ALDH4A1: variants seen among roughly 807,000 people sequenced by gnomAD.
ALDH4A1 encodes the protein aldehyde dehydrogenase 4 family member A1, also known as delta-1-pyrroline-5-carboxylate dehydrogenase, mitochondrial.
In ALDH4A1, 46 loss-of-function variants were observed where a neutral mutation model predicts 70.5. The ratio of observed to expected loss-of-function variants is 0.65; its 90% CI spans 0.51 to 0.83. The LOEUF (loss-of-function observed/expected upper bound fraction) is 0.83, where lower values mean the gene tolerates loss of function less well. Among genes scored for constraint, ALDH4A1 ranks in the 40% least tolerant of loss-of-function variants. ALDH4A1 has a pLI of 0.00. For missense variants in ALDH4A1, 749 were observed against 766.5 expected, an observed-to-expected ratio of 0.98 and a Z score of 0.27; for synonymous variants, 323 against 324.3, an observed-to-expected ratio of 1.00 and a Z score of 0.04.
intron 12 of ALDH4A1, among the ~76,000 whole-genome samples, 192 bp downstream of exon 12, chr1:18,876,123 C>G (rs1476401655): frequency 6.6e-6 from 1 of 152,186 alleles, no homozygotes; most frequent in Non-Finnish European, 1.5e-5. Flanking sequence ...AGGACACAGC[C>G]CCGGATTTGG....
At chr1:18,882,167 G>A (rs1207152290) in intron 7 of ALDH4A1, among the ~76,000 whole-genome samples, 1 of 152,234 alleles carries the variant, frequency 6.6e-6, no homozygotes, top group Non-Finnish European at 1.5e-5. Context: ...CACCTAGGCA[G>A]GTCTGTTCTT....
At chr1:18,877,796 C>T (rs1934783153) in intron 9 of ALDH4A1, among the ~76,000 whole-genome samples, 184 bp from the exon 10 acceptor site, 1 of 152,222 alleles carries the variant, frequency 6.6e-6, no homozygotes, top group Non-Finnish European at 1.5e-5. Flanking sequence ...CAGGCCCATT[C>T]TCCCACTCCA....
chr1:18,877,313 A>AC (rs1467729265), intron 10 of ALDH4A1, 58 bp from the exon 11 acceptor site: 10 of 1,565,976 alleles, frequency 6.4e-6, no homozygotes, highest in Admixed American at 3.7e-5. Context: ...ACCAAGGGAG[A>AC]CCCCTCCCCG....
At chr1:18,893,942 T>A (rs761618306) in intron 1 of ALDH4A1, among the ~76,000 whole-genome samples, 52 of 152,216 alleles carry the variant, frequency 3.4e-4, no homozygotes, top group Admixed American at 2.7e-3. Context: ...TGCTCCCCGG[T>A]GGCCATCCTC....
intron 11 of ALDH4A1, 116 bp from the exon 12 acceptor site, chr1:18,876,583 G>T: frequency 7.9e-7 from 1 of 1,264,348 alleles, no homozygotes; most frequent in South Asian, 1.4e-5. Flanking sequence ...TCCTGAAACA[G>T]GGGCAGGGGT....
At chr1:18,887,316 T>A (rs558895841) in intron 3 of ALDH4A1, among the ~76,000 whole-genome samples, 2 of 152,248 alleles carry the variant, frequency 1.3e-5, no homozygotes, top group African/African-American at 4.8e-5. Flanking sequence ...AACTTCCCTG[T>A]TGGCCGGGCG....
At chr1:18,881,269 T>A (rs1191395031) in intron 8 of ALDH4A1, among the ~76,000 whole-genome samples, 2 of 152,040 alleles carry the variant, frequency 1.3e-5, no homozygotes, top group South Asian at 2.1e-4. Context: ...TCCCAACATA[T>A]ATATTCTTCT....
Position 18,877,606 on chromosome 1 carries a change from C to A in ALDH4A1, c.947G>T (p.Gly316Val). The A allele has an allele frequency of 6.2e-7, 1 of 1,609,274 alleles. No homozygotes were observed. The highest frequency in any genetic ancestry group is 8.5e-7 in the Non-Finnish European group (1 of 1,179,144). Reference protein sequence around the residue: ...HTFPRLAGECGGKNFHFVHRS... With the variant: ...HTFPRLAGECVGKNFHFVHRS... ...GTGCACGAAGTGGAAGTTCTTTCCGCCGCACTCTACAGGGGTCGGGGGTGG... is the reference window on the plus strand; with the variant it reads ...GTGCACGAAGTGGAAGTTCTTTCCGACGCACTCTACAGGGGTCGGGGGTGG... Residue 316 changes from glycine (G) to valine (V), a missense_variant, in exon 10 of 15, where the codon GGC (glycine) becomes GTC (valine). Gly to Val is a moderately radical substitution (Grantham distance 109). Transcript: ENST00000375341.
chr1:18,881,968 G>T, intron 7 of ALDH4A1, 81 bp from the exon 8 acceptor site: 1 of 1,380,262 alleles, frequency 7.2e-7, no homozygotes, highest in Non-Finnish European at 1.0e-6. Context: ...CTACAGCATG[G>T]TTGTCCCTCA....
At chr1:18,881,917 A>C (rs1934986818) in intron 7 of ALDH4A1, 30 bp from the exon 8 acceptor site, 1 of 1,603,310 alleles carries the variant, frequency 6.2e-7, no homozygotes, top group African/African-American at 1.3e-5. Flanking sequence ...GTGATGCATG[A>C]GGATGGCGCC....
chr1:18,902,416 GC>G (rs1347967787), intron 1 of ALDH4A1, 45 bp downstream of exon 1: 2 of 1,300,060 alleles, frequency 1.5e-6, no homozygotes, highest in South Asian at 4.1e-5. Flanking sequence ...AGGCTCCCGG[GC>G]CCCAGGCGCG....
At chr1:18,897,116 A>T in intron 1 of ALDH4A1, 1 of 531,924 alleles carries the variant, frequency 1.9e-6, no homozygotes, top group Non-Finnish European at 3.9e-6. Context: ...ATGTTCCAAA[A>T]TCTGAAACTT....
chr1:18,876,529 CA>C, intron 11 of ALDH4A1, 62 bp from the exon 12 acceptor site: 13 of 1,509,614 alleles, frequency 8.6e-6, no homozygotes, highest in Non-Finnish European at 1.2e-5. Flanking sequence ...CGGCAGCCCC[CA>C]CAACACACTC....
At chr1:18,889,325 G>C in intron 3 of ALDH4A1, 37 bp downstream of exon 3, 1 of 1,523,856 alleles carries the variant, frequency 6.6e-7, no homozygotes, top group Non-Finnish European at 8.9e-7. Context: ...CACATATTCA[G>C]GGGAGGGGCT....
At chr1:18,890,243 G>C in intron 1 of ALDH4A1, 138 bp from the exon 2 acceptor site, 1 of 716,144 alleles carries the variant, frequency 1.4e-6, no homozygotes. Flanking sequence ...AAAGTGGGGG[G>C]TCAAAACCCC....
intron 1 of ALDH4A1, among the ~76,000 whole-genome samples, chr1:18,901,856 A>G (rs963245628): frequency 3.3e-5 from 5 of 151,810 alleles, no homozygotes; most frequent in Non-Finnish European, 7.4e-5. Context: ...TTGGTTCATT[A>G]TAAGCACTCT....
chr1:18,890,449 A>C (rs1216111743), intron 1 of ALDH4A1, among the ~76,000 whole-genome samples: 1 of 152,230 alleles, frequency 6.6e-6, no homozygotes, highest in Non-Finnish European at 1.5e-5. Context: ...CAGGAGGCTG[A>C]GGCAAGAGAA....
intron 1 of ALDH4A1, among the ~76,000 whole-genome samples, chr1:18,893,669 A>T (rs1418486920): frequency 6.6e-6 from 1 of 151,956 alleles, no homozygotes; most frequent in Non-Finnish European, 1.5e-5. Flanking sequence ...CACCCAGCTC[A>T]TTTTTTGTAT....
chr1:18,886,563 A>C, intron 3 of ALDH4A1, 52 bp from the exon 4 acceptor site: 1 of 1,588,768 alleles, frequency 6.3e-7, no homozygotes, highest in Non-Finnish European at 8.6e-7. Flanking sequence ...TGCCAGGATA[A>C]GGATGAAGAG....
Sources: gnomAD v4.1 joint callset for allele counts (sites outside exome capture counted in the v4.1 genomes callset) on GRCh38, gnomAD v4.1.1 for gene constraint, MANE v1.5 for transcripts, NCBI Gene and HGNC (gene_info 2026-07-23, HGNC 2026-07-21) for gene names.